DOK6: variants seen among roughly 807,000 people sequenced by gnomAD.
DOK6 encodes downstream of tyrosine kinase 6.
Under a neutral mutation model 44.0 loss-of-function variants are expected in DOK6, and 22 were observed. The ratio of observed to expected loss-of-function variants is 0.50; its 90% confidence interval spans 0.36 to 0.71. DOK6 has a LOEUF of 0.71. Among genes scored for constraint, DOK6 ranks in the 30% least tolerant of loss-of-function variants. DOK6 has a pLI of 0.00. For missense variants in DOK6, 340 were observed against 416.4 expected (o/e 0.82, Z 1.60); for synonymous variants, 166 against 145.5 (o/e 1.14, Z -1.01).
chr18:69,565,361 A>T (rs1440932400), intron 2 of DOK6, among the ~76,000 whole-genome samples: 3 of 152,030 alleles, frequency 2.0e-5, no homozygotes, highest in African/African-American at 4.8e-5. Context: ...TTTCTTTTTT[A>T]AAAATAGATT....
At position 69,824,668 on chromosome 18, in the gene DOK6, A is replaced by C. The variant is rs115417590; in HGVS notation, c.857-16576A>C. 2.5e-3 allele frequency among the ~76,000 whole-genome samples: 386 copies of C among 152,298 alleles called. 3 individuals are homozygous for C. The highest frequency in any genetic ancestry group is 8.8e-3 in the African/African-American group (366 of 41,572). Reference sequence around the variant, plus strand: ...TAGCCACTGCACCCAGTGTCCTTCAAATTTTTAACAAAAATCGTTTACAAA... The same window carrying C: ...TAGCCACTGCACCCAGTGTCCTTCACATTTTTAACAAAAATCGTTTACAAA... On this transcript the variant is annotated intron_variant, in intron 7 of 7. Coordinates refer to ENST00000382713, the MANE Select transcript of DOK6 (RefSeq NM_152721.6).
intron 5 of DOK6, among the ~76,000 whole-genome samples, chr18:69,726,925 G>C (rs1294438091): frequency 6.6e-6 from 1 of 151,780 alleles, no homozygotes; most frequent in East Asian, 1.9e-4. Context: ...CACCATCATA[G>C]CTCACTGCAG....
intron 1 of DOK6, among the ~76,000 whole-genome samples, chr18:69,516,229 G>T (rs1981518054): frequency 6.9e-6 from 1 of 145,784 alleles, no homozygotes; most frequent in East Asian, 1.9e-4. Context: ...TATATTCTGG[G>T]AGTTAAGAAG....
chr18:69,616,313 C>T (rs1005012460), intron 3 of DOK6, among the ~76,000 whole-genome samples: 2 of 151,966 alleles, frequency 1.3e-5, no homozygotes, highest in Admixed American at 1.3e-4. Context: ...ATCCCAGCAC[C>T]CCTCACCTCC....
chr18:69,582,826 C>G (rs1389178093), intron 2 of DOK6, among the ~76,000 whole-genome samples: 1 of 152,116 alleles, frequency 6.6e-6, no homozygotes, highest in Admixed American at 6.5e-5. Context: ...TATTCTGTTT[C>G]TTATTTTTAC....
At chr18:69,545,330 C>T (rs1193904878) in intron 1 of DOK6, among the ~76,000 whole-genome samples, 3 of 150,178 alleles carry the variant, frequency 2.0e-5, no homozygotes, top group Non-Finnish European at 3.0e-5. Context: ...CAGGTGTACT[C>T]TACAACTAGT....
chr18:69,797,385 A>G (rs1980776975), intron 7 of DOK6, among the ~76,000 whole-genome samples: 1 of 152,146 alleles, frequency 6.6e-6, no homozygotes, highest in Non-Finnish European at 1.5e-5. Flanking sequence ...TGCCTCAGGA[A>G]GTTAACATCT....
intron 6 of DOK6, among the ~76,000 whole-genome samples, chr18:69,757,017 C>A (rs1278194445): frequency 6.6e-6 from 1 of 152,206 alleles, no homozygotes; most frequent in East Asian, 1.9e-4. Context: ...AAAGCTATTT[C>A]TTGGAAGTCC....
In DOK6 at chr18:69,541,288, G is replaced by C. The variant is rs550386347; in HGVS notation, c.67-23199G>C. Among the ~76,000 whole-genome samples the C allele has an allele frequency of 1.3e-3, 202 of 151,456 alleles. 7 individuals are homozygous for C. Among genetic ancestry groups the C allele is most frequent in the Non-Finnish European group, 2.2e-3 (152 of 67,602 alleles). The stretch of plus-strand genomic sequence containing the variant: ...TCTCATGCTCTGGAATAATTCCTAA[G>C]TAGAAATATGTACTTGCTTGTGATG... On this transcript the variant is annotated intron_variant, in intron 1 of 7. Transcript: ENST00000382713.
intron 2 of DOK6, among the ~76,000 whole-genome samples, chr18:69,576,727 T>C (rs1323571536): frequency 6.6e-6 from 1 of 152,170 alleles, no homozygotes; most frequent in African/African-American, 2.4e-5. Flanking sequence ...TTATTAAAAA[T>C]GCATTAGGGT....
chr18:69,757,920 C>T, intron 7 of DOK6, 47 bp downstream of exon 7: 3 of 1,496,938 alleles, frequency 2.0e-6, no homozygotes, highest in Non-Finnish European at 2.8e-6. Flanking sequence ...AAGCTTCCTC[C>T]AGGTGGACTG....
chr18:69,641,075 G>A lies in DOK6; in HGVS notation c.290-36659G>A, dbSNP rs555339136. Among the ~76,000 whole-genome samples the A allele has an allele frequency of 5.3e-5, 8 of 152,128 alleles. No homozygotes were observed. In the East Asian group the frequency reaches 1.6e-3, roughly 30 times the overall value. ...TACTAAAATACAAAAAATTAGCTGAGCGTGGTGACACGTGCCTGTAGTCCC... is the reference window on the plus strand; with the variant it reads ...TACTAAAATACAAAAAATTAGCTGAACGTGGTGACACGTGCCTGTAGTCCC... On this transcript the variant is annotated intron_variant, in intron 3 of 7. Transcript: ENST00000382713.
At chr18:69,619,892 C>T (rs143698631) in intron 3 of DOK6, among the ~76,000 whole-genome samples, 211 of 151,732 alleles carry the variant, frequency 1.4e-3, no homozygotes, top group Non-Finnish European at 2.0e-3. Context: ...CACGAGGTAC[C>T]GAAAATTTAT....
chr18:69,618,119 G>A (rs1184131756), intron 3 of DOK6, among the ~76,000 whole-genome samples: 2 of 152,172 alleles, frequency 1.3e-5, no homozygotes, highest in Non-Finnish European at 2.9e-5. Context: ...TGAGCTAGGA[G>A]AGAGGCATGG....
In DOK6 at chr18:69,757,882, C is replaced by T. The variant is rs761752748; in HGVS notation, c.856+9C>T. On this transcript the variant is annotated intron_variant, in intron 7 of 7. Transcript: ENST00000382713. ...AATCTACAGTTTGCAAGGCAAGTCA[C>T]TTTAATGTAAGAAAGCAGTGCCTCC... The T allele has an allele frequency of 3.7e-5, 60 of 1,610,876 alleles. No homozygotes were observed. Among genetic ancestry groups the T allele is most frequent in the Non-Finnish European group, 4.8e-5 (57 of 1,177,154 alleles).
intron 1 of DOK6, among the ~76,000 whole-genome samples, chr18:69,491,389 T>C (rs1256455724): frequency 6.6e-6 from 1 of 152,168 alleles, no homozygotes; most frequent in East Asian, 1.9e-4. Flanking sequence ...TTGCCTGTCA[T>C]TTTCTGATAT....
chr18:69,642,464 G>T (rs780817269), intron 3 of DOK6, among the ~76,000 whole-genome samples: 2 of 152,046 alleles, frequency 1.3e-5, no homozygotes, highest in Non-Finnish European at 2.9e-5. Context: ...GCCAACCTAG[G>T]CAACATAATA....
chr18:69,431,237 C>T (rs1978798826), intron 1 of DOK6, among the ~76,000 whole-genome samples: 1 of 152,162 alleles, frequency 6.6e-6, no homozygotes, highest in African/African-American at 2.4e-5. Context: ...AAGGGATTAA[C>T]ATCAGTTCTG....
At chr18:69,523,158 C>T (rs1981734290) in intron 1 of DOK6, among the ~76,000 whole-genome samples, 1 of 152,038 alleles carries the variant, frequency 6.6e-6, no homozygotes, top group African/African-American at 2.4e-5. Context: ...AACCTCTCTG[C>T]ATCCAAAGAT....
Sources: gnomAD v4.1 joint callset for allele counts (sites outside exome capture counted in the v4.1 genomes callset) on GRCh38, gnomAD v4.1.1 for gene constraint, MANE v1.5 for transcripts, NCBI Gene and HGNC (gene_info 2026-07-23, HGNC 2026-07-21) for gene names.